Variants in RASSF1 observed in about 807,000 individuals in gnomAD.
RASSF1 encodes Ras association domain family member 1, also known as ras association domain-containing protein 1.
A neutral mutation model predicts 34.3 loss-of-function variants in RASSF1; 33 were observed. The observed-to-expected ratio is 0.96, with a 90% confidence interval of 0.73 to 1.29. The LOEUF (loss-of-function observed/expected upper bound fraction) is 1.29. RASSF1 is among the 50% of genes most tolerant of loss of function. The pLI is 0.00. For missense variants in RASSF1, 445 were observed against 471.8 expected (o/e 0.94, Z 0.53); for synonymous variants, 191 against 195.0 (o/e 0.98, Z 0.17).
Position 50,332,088 on chromosome 3 carries a change from A to T in RASSF1, c.424T>A (p.Tyr142Asn), listed in dbSNP as rs1012572706. ...QAEIEQKIKEYNAQINSNLFM... is the reference protein window; with the variant it reads ...QAEIEQKIKENNAQINSNLFM... ...AGGTTGCTGTTGATCTGGGCATTGT[A>T]CTCCTTGATCTTCTGCTCAATCTCA... Residue 142 changes from tyrosine (Y) to asparagine (N), a missense_variant, in exon 3 of 6, where the codon TAC (tyrosine) becomes AAC (asparagine). Transcript: ENST00000359365. The T allele has an allele frequency of 1.2e-6, 2 of 1,613,926 alleles. No homozygotes were observed. Among genetic ancestry groups the T allele is most frequent in the Non-Finnish European group, 1.7e-6 (2 of 1,179,978 alleles).
chr3:50,332,019 C>T, intron 3 of RASSF1, 31 bp downstream of exon 3: 1 of 1,606,228 alleles, frequency 6.2e-7, no homozygotes, highest in Non-Finnish European at 8.5e-7. Flanking sequence ...CCTGCTCCTC[C>T]CCACGCCCCC....
At chr3:50,335,611 G>A (rs1372617175) in intron 2 of RASSF1, among the ~76,000 whole-genome samples, 1 of 151,774 alleles carries the variant, frequency 6.6e-6, no homozygotes, top group Non-Finnish European at 1.5e-5. Flanking sequence ...GAGTCACCAA[G>A]CCCAGCCTTC....
chr3:50,337,156 C>T (rs1260472284), intron 2 of RASSF1: 7 of 1,597,384 alleles, frequency 4.4e-6, no homozygotes, highest in African/African-American at 1.3e-5. Context: ...CGCCCGCCGG[C>T]ACCCCCTGGC....
At chr3:50,339,388 CAG>C (rs1196576647) in intron 1 of RASSF1, among the ~76,000 whole-genome samples, 4 of 113,626 alleles carry the variant, frequency 3.5e-5, no homozygotes, top group Non-Finnish European at 6.7e-5. Flanking sequence ...TTTTTTGAGA[CAG>C]AGTCTCACTC....
intron 2 of RASSF1, chr3:50,337,448 A>G: frequency 6.3e-7 from 1 of 1,576,588 alleles, no homozygotes; most frequent in Non-Finnish European, 8.6e-7. Context: ...AACCGTTAAG[A>G]CTGAAACGTA....
intron 2 of RASSF1, chr3:50,336,841 G>A (rs1347768078): frequency 3.6e-5 from 12 of 335,094 alleles, no homozygotes; most frequent in African/African-American, 2.2e-4. Flanking sequence ...ATTCGAACGC[G>A]GAAATCGAGG....
chr3:50,337,516 C>T, intron 2 of RASSF1: 2 of 1,522,746 alleles, frequency 1.3e-6, no homozygotes, highest in Middle Eastern at 1.7e-4. Context: ...CGGGGACACG[C>T]ACGCTTCGCC....
chr3:50,337,846 G>A (rs1703215221), intron 2 of RASSF1, 59 bp downstream of exon 2: 3 of 1,449,058 alleles, frequency 2.1e-6, no homozygotes, highest in East Asian at 4.6e-5. Context: ...CCTCGAGAAT[G>A]CCTGCACTGT....
At chr3:50,338,903 C>T (rs1703263068) in intron 1 of RASSF1, among the ~76,000 whole-genome samples, 1 of 152,234 alleles carries the variant, frequency 6.6e-6, no homozygotes, top group African/African-American at 2.4e-5. Context: ...GGGCTACACT[C>T]TCCCAGTTTT....
chr3:50,330,038 GGCACATGCTGTACTGT>G lies in RASSF1; in HGVS notation c.*527_*542del, dbSNP rs1702878502. On this transcript the variant is annotated 3_prime_UTR_variant, in exon 6 of 6. Coordinates refer to ENST00000359365, the MANE Select transcript of RASSF1 (RefSeq NM_007182.5). The surrounding 1 kb of genome is among the most constrained non-coding windows in gnomAD (Gnocchi z 4.5). ...ACATCCTCCTCATATGAAGCATTAAGGCACATGCTGTACTGTGAGCCAGCACTCCCTGACCTCAGGG... is the reference window on the plus strand; with the variant it reads ...ACATCCTCCTCATATGAAGCATTAAGGAGCCAGCACTCCCTGACCTCAGGG... 6.5e-6 allele frequency: 1 copy of G among 152,974 alleles called. No individual in the cohort carries two copies. The highest frequency in any genetic ancestry group is 2.0e-4 in the South Asian group (1 of 4,920). 9.5% of individuals were successfully genotyped at this position (152,974 alleles called of 1,614,324 possible). A position where few individuals can be genotyped will look rare whatever the true frequency, so the allele number is the denominator to read the frequency against.
In RASSF1 at chr3:50,331,647, T is replaced by C. The variant is rs1702945136; in HGVS notation, c.672A>G (p.Glu224=). 6.2e-7 allele frequency: 1 copy of C among 1,611,630 alleles called. No homozygotes were observed. Among genetic ancestry groups the C allele is most frequent in the South Asian group, 1.1e-5 (1 of 91,066 alleles). The part of the protein sequence containing the change: ...LHVLSRTRAR[E]VIEALLRKFL... ...ACTTTCGCAGCAGGGCCTCAATGAC[T>C]TCACGTGCCCTTGTGCGTGACAGCA... The change falls in exon 4 of 6, where the codon GAA becomes GAG. Residue 224 remains glutamate (E), a synonymous_variant. Coordinates refer to ENST00000359365, the MANE Select transcript of RASSF1 (RefSeq NM_007182.5).
intron 1 of RASSF1, among the ~76,000 whole-genome samples, chr3:50,340,072 C>T (rs1271080344): frequency 6.6e-6 from 1 of 152,164 alleles, no homozygotes; most frequent in Non-Finnish European, 1.5e-5. Flanking sequence ...ATCTGATTCA[C>T]TGGGTCAGAA....
At chr3:50,337,479 T>A in intron 2 of RASSF1, 1 of 1,546,264 alleles carries the variant, frequency 6.5e-7, no homozygotes, top group South Asian at 1.2e-5. Context: ...ATCTAGCTCT[T>A]GTCTCATTGG....
chr3:50,331,170 A>C (rs888855976), intron 5 of RASSF1, among the ~76,000 whole-genome samples, 164 bp downstream of exon 5: 4 of 152,220 alleles, frequency 2.6e-5, no homozygotes, highest in African/African-American at 9.6e-5. Context: ...AGGCTTTGGC[A>C]TGAGTGGTCT....
At chr3:50,337,654 G>C in intron 2 of RASSF1, 2 of 905,672 alleles carry the variant, frequency 2.2e-6, no homozygotes, top group Non-Finnish European at 1.6e-6. Context: ...GGGCGGGAAG[G>C]TGCGGGAAGT....
Position 50,340,754 on chromosome 3 carries a change from G to A in RASSF1, c.52C>T (p.Arg18Cys), listed in dbSNP as rs1384932859. The A allele has an allele frequency of 2.0e-6, 3 of 1,511,924 alleles. No individual in the cohort carries two copies. Among genetic ancestry groups the A allele is most frequent in the Non-Finnish European group, 2.6e-6 (3 of 1,140,064 alleles). 93.7% of individuals were successfully genotyped at this position (1,511,924 alleles called of 1,614,324 possible). A position where few individuals can be genotyped will look rare whatever the true frequency, so the allele number is the denominator to read the frequency against. Residue 18 changes from arginine (R) to cysteine (C), a missense_variant, in exon 1 of 6, where the codon CGC becomes TGC. Physicochemically the swap from Arg to Cys is radical, Grantham distance 180 (BLOSUM62 -3). Coordinates refer to ENST00000359365, the MANE Select transcript of RASSF1 (RefSeq NM_007182.5). ...IELRELAPAG[R>C]AGKGRTRLER... ...AGCCGGGTGCGGCCCTTCCCAGCGC[G>A]CCCAGCGGGTGCCAGCTCCCGCAGC... is the stretch of plus-strand genomic sequence containing the variant.
intron 1 of RASSF1, among the ~76,000 whole-genome samples, chr3:50,338,626 G>A (rs926219491): frequency 1.3e-5 from 2 of 152,130 alleles, no homozygotes; most frequent in Non-Finnish European, 2.9e-5. Context: ...TTACTTGAAG[G>A]AAAAACTAAA....
chr3:50,332,923 C>T (rs944958223), intron 2 of RASSF1, among the ~76,000 whole-genome samples: 7 of 152,014 alleles, frequency 4.6e-5, no homozygotes, highest in Non-Finnish European at 7.4e-5. Context: ...GGAGAAACCC[C>T]GTCTCTACTA....
intron 2 of RASSF1, chr3:50,337,489 G>C: frequency 1.3e-6 from 2 of 1,538,000 alleles, no homozygotes; most frequent in African/African-American, 1.4e-5. Context: ...TGTCTCATTG[G>C]GGCAGGAACG....
Sources: allele counts gnomAD v4.1 joint callset (sites outside exome capture counted in the v4.1 genomes callset), GRCh38; gene constraint gnomAD v4.1.1; non-coding constraint Gnocchi (gnomAD v3.1); transcripts MANE v1.5; gene names NCBI Gene and HGNC (gene_info 2026-07-23, HGNC 2026-07-21).